OSBPL3: variants seen among roughly 807,000 people sequenced by gnomAD.
The protein encoded by OSBPL3 is oxysterol binding protein like 3.
In OSBPL3, 65 loss-of-function variants were observed where a neutral mutation model predicts 120.1. That is an observed-to-expected ratio of 0.54 (90% CI 0.44 to 0.67). The LOEUF (loss-of-function observed/expected upper bound fraction) is 0.67, where lower values mean the gene tolerates loss of function less well. Among genes scored for constraint, OSBPL3 ranks in the 30% least tolerant of loss-of-function variants. The pLI, the probability that OSBPL3 is intolerant of heterozygous loss-of-function variation, is 0.00. For synonymous variants in OSBPL3, 416 were observed against 402.6 expected, an observed-to-expected ratio of 1.03 and a Z score of -0.40; for missense variants, 1,004 against 1,082.1, an observed-to-expected ratio of 0.93 and a Z score of 1.01.
rs1434306320 is a variant in OSBPL3, at chr7:24,822,677, C to G, written c.1885-2439G>C. ...AATTTGGCATCTTTACAGGTATGGC[C>G]GAATGTAAACACAGTATATAAAAAC... On this transcript the variant is annotated intron_variant, in intron 16 of 22. Transcript: ENST00000313367. The surrounding 1 kb of genome is among the most constrained non-coding windows in gnomAD (Gnocchi z 5.8). Among the ~76,000 whole-genome samples the G allele has an allele frequency of 1.3e-5, 2 of 152,012 alleles. No individual in the cohort carries two copies. The highest frequency in any genetic ancestry group is 6.6e-5 in the Admixed American group (1 of 15,248).
In OSBPL3 at chr7:24,938,123, T is replaced by C. The variant is rs1275988698; in HGVS notation, c.-150+41763A>G. Among the ~76,000 whole-genome samples the C allele has an allele frequency of 6.6e-6, 1 of 152,230 alleles. No individual in the cohort carries two copies. The highest frequency in any genetic ancestry group is 1.5e-5 in the Non-Finnish European group (1 of 68,038). On this transcript the variant is annotated intron_variant, in intron 1 of 22. Transcript: ENST00000313367. This position sits in a 1 kb window ranked among gnomAD's most constrained non-coding sequence, Gnocchi z 5.8. ...AGTTTCTGTCCCGCCAAAACTGGTA[T>C]GTTGAAACCTAATCACCAACCTGAT...
intron 1 of OSBPL3, among the ~76,000 whole-genome samples, chr7:24,957,581 T>C (rs1193317535): frequency 1.3e-5 from 2 of 152,182 alleles, no homozygotes; most frequent in Non-Finnish European, 2.9e-5. Context: ...ATATAGTAAA[T>C]GTAAGTTATT....
chr7:24,918,614 G>A lies in OSBPL3; in HGVS notation c.-149-25993C>T, dbSNP rs572803540. Among the ~76,000 whole-genome samples, 3 of 152,250 alleles carry A rather than the reference G, an allele frequency of 2.0e-5. No individual in the cohort carries two copies. The highest frequency in any genetic ancestry group is 4.8e-5 in the African/African-American group (2 of 41,556). On this transcript the variant is annotated intron_variant, in intron 1 of 22. Coordinates refer to ENST00000313367, the MANE Select transcript of OSBPL3 (RefSeq NM_015550.4). This position sits in a 1 kb window ranked among gnomAD's most constrained non-coding sequence, Gnocchi z 4.3. ...TATTTACCCAAGCAAATAAGAAAAT[G>A]GGATCAACATTTAGTACTCACTTAA...
At chr7:24,828,371 G>A (rs1177917589) in intron 16 of OSBPL3, among the ~76,000 whole-genome samples, 5 of 152,134 alleles carry the variant, frequency 3.3e-5, no homozygotes, top group Non-Finnish European at 7.4e-5. Flanking sequence ...AGCACTTTGG[G>A]AGGCCAAGGC....
Position 24,820,289 on chromosome 7 carries a change from T to A in OSBPL3, c.1885-51A>T. Reference sequence around the variant, plus strand: ...CAAAAAATGAATGAACTTTTGTGTCTCATGAAATCCATTCTTTCTCCCCTG... The same window carrying A: ...CAAAAAATGAATGAACTTTTGTGTCACATGAAATCCATTCTTTCTCCCCTG... On this transcript the variant is annotated intron_variant, in intron 16 of 22. Coordinates refer to ENST00000313367, the MANE Select transcript of OSBPL3 (RefSeq NM_015550.4). The surrounding 1 kb of genome is among the most constrained non-coding windows in gnomAD (Gnocchi z 4.6). 1 of 1,365,242 alleles carries A rather than the reference T, an allele frequency of 7.3e-7. No individual in the cohort carries two copies. The allele number at this position is 1,365,242 out of a possible 1,614,324, so 84.6% of individuals were successfully genotyped here. A position where few individuals can be genotyped will look rare whatever the true frequency, so the allele number is the denominator to read the frequency against.
intron 11 of OSBPL3, among the ~76,000 whole-genome samples, chr7:24,850,037 T>C (rs1216703639): frequency 6.6e-6 from 1 of 152,202 alleles, no homozygotes; most frequent in Non-Finnish European, 1.5e-5. Context: ...AATATGGGTA[T>C]TGATTGTTCT....
Position 24,854,539 on chromosome 7 carries a change from A to ACACAC in OSBPL3, c.1028-1906_1028-1905insGTGTG, listed in dbSNP as rs1562831439. On this transcript the variant is annotated intron_variant, in intron 10 of 22. Transcript: ENST00000313367. This position sits in a 1 kb window ranked among gnomAD's most constrained non-coding sequence, Gnocchi z 4.1. ...ACACACACACACACACACACACACA[A>ACACAC]ACACACACAATGGTGCTGCCTCTGC... Among the ~76,000 whole-genome samples, 6 of 131,804 alleles carry ACACAC rather than the reference A, an allele frequency of 4.6e-5. No homozygotes were observed. In the East Asian group the frequency reaches 8.9e-4, roughly 20 times the overall value. 86.5% of individuals were successfully genotyped at this position (131,804 alleles called of 152,430 possible).
Position 24,867,049 on chromosome 7 carries a change from C to T in OSBPL3, c.382-812G>A, listed in dbSNP as rs1463207887. Among the ~76,000 whole-genome samples the T allele has an allele frequency of 6.6e-6, 1 of 152,228 alleles. No individual in the cohort carries two copies. The highest frequency in any genetic ancestry group is 6.5e-5 in the Admixed American group (1 of 15,292). On this transcript the variant is annotated intron_variant, in intron 5 of 22. Coordinates refer to ENST00000313367, the MANE Select transcript of OSBPL3 (RefSeq NM_015550.4). The surrounding 1 kb of genome is among the most constrained non-coding windows in gnomAD (Gnocchi z 4.5). ...ACTCCTGACCTGGTGATCTGCCCGC[C>T]TCGGCCTCCCAAAGTGCTGGGATTA...
Position 24,980,137 on chromosome 7 carries a change from C to G in OSBPL3, c.-401G>C. On this transcript the variant is annotated 5_prime_UTR_variant, in exon 1 of 23. Transcript: ENST00000313367. The stretch of plus-strand genomic sequence containing the variant: ...CTCCCGGGCCGGCTGGCGGGCGCCA[C>G]CAGCACGCGGCCAGTTCTGAGTACT... The G allele has an allele frequency of 1.3e-6, 1 of 747,468 alleles. No individual in the cohort carries two copies. Among genetic ancestry groups the G allele is most frequent in the Non-Finnish European group, 1.6e-6 (1 of 612,496 alleles). The allele number at this position is 747,468 out of a possible 1,614,324, so 46.3% of individuals were successfully genotyped here.
At chr7:24,828,946 A>G (rs75019247) in intron 16 of OSBPL3, among the ~76,000 whole-genome samples, 16,530 of 152,178 alleles carry the variant, frequency 0.11, 1,192 homozygotes, top group Non-Finnish European at 0.17. Context: ...CTAAATGCTG[A>G]GTTATGTAAC....
chr7:24,975,455 A>G (rs1817476797), intron 1 of OSBPL3, among the ~76,000 whole-genome samples: 1 of 152,272 alleles, frequency 6.6e-6, no homozygotes, highest in Non-Finnish European at 1.5e-5. Flanking sequence ...TCAGAAAACT[A>G]GAAAACAAAA....
Position 24,884,424 on chromosome 7 carries a change from G to C in OSBPL3, c.96+7953C>G, listed in dbSNP as rs1183251899. Among the ~76,000 whole-genome samples, 12 of 152,272 alleles carry C rather than the reference G, an allele frequency of 7.9e-5. No individual in the cohort carries two copies. The East Asian group carries it at 2.3e-3, about 29-fold the overall frequency. ...CTGAGTTGTGCTGAGACTCCAAAGG[G>C]TAGCATGAAAGGATATTATGAGCTG... is the stretch of plus-strand genomic sequence containing the variant. On this transcript the variant is annotated intron_variant, in intron 2 of 22. Transcript: ENST00000313367.
At chr7:24,868,014 G>T (rs941738971) in intron 5 of OSBPL3, among the ~76,000 whole-genome samples, 1 of 152,100 alleles carries the variant, frequency 6.6e-6, no homozygotes, top group African/African-American at 2.4e-5. Context: ...ATATACCATA[G>T]ATATTTCTTA....
At chr7:24,878,638 T>C (rs969364863) in intron 2 of OSBPL3, among the ~76,000 whole-genome samples, 8 of 152,200 alleles carry the variant, frequency 5.3e-5, no homozygotes, top group African/African-American at 1.9e-4. Flanking sequence ...ACTGGAGTTG[T>C]TGTTTCTTGT....
intron 1 of OSBPL3, among the ~76,000 whole-genome samples, chr7:24,907,715 C>T (rs1808154873): frequency 6.6e-6 from 1 of 152,202 alleles, no homozygotes; most frequent in Non-Finnish European, 1.5e-5. Flanking sequence ...CTCAACCCCT[C>T]TCCCACCCCA....
At chr7:24,832,354 A>T (rs954681791) in intron 15 of OSBPL3, among the ~76,000 whole-genome samples, 3 of 151,468 alleles carry the variant, frequency 2.0e-5, no homozygotes, top group Non-Finnish European at 4.4e-5. Context: ...TACTAAAAAT[A>T]CAAAAATTAG....
Position 24,965,923 on chromosome 7 carries a change from G to C in OSBPL3, c.-150+13963C>G, listed in dbSNP as rs1222887314. The stretch of plus-strand genomic sequence containing the variant: ...AGGTTTAGAACCACTTCCCTCAAGG[G>C]TGTGTCCCATTCATGTGGCCCCACC... On this transcript the variant is annotated intron_variant, in intron 1 of 22. Transcript: ENST00000313367. The surrounding 1 kb of genome is among the most constrained non-coding windows in gnomAD (Gnocchi z 4.3). Among the ~76,000 whole-genome samples, 1 of 152,146 alleles carries C rather than the reference G, an allele frequency of 6.6e-6. No homozygotes were observed. The highest frequency in any genetic ancestry group is 1.9e-4 in the East Asian group (1 of 5,190).
intron 2 of OSBPL3, among the ~76,000 whole-genome samples, chr7:24,880,334 A>G (rs1803490194): frequency 6.6e-6 from 1 of 152,162 alleles, no homozygotes; most frequent in Non-Finnish European, 1.5e-5. Context: ...ACTGTGGATA[A>G]GATCACCTAG....
Position 24,818,838 on chromosome 7 carries a change from A to C in OSBPL3, c.1948+1337T>G, listed in dbSNP as rs533305455. Among the ~76,000 whole-genome samples, 15 of 152,296 alleles carry C rather than the reference A, an allele frequency of 9.8e-5. No homozygotes were observed. The highest frequency in any genetic ancestry group is 2.1e-4 in the South Asian group (1 of 4,822). On this transcript the variant is annotated intron_variant, in intron 17 of 22. Transcript: ENST00000313367. The surrounding 1 kb of genome is among the most constrained non-coding windows in gnomAD (Gnocchi z 4.0). The stretch of plus-strand genomic sequence containing the variant: ...ATCCTAGGCCCATGGAAATAGGTAG[A>C]TTGCTCAGGAAAAGGCTGATGGGGA...
Sources: allele counts gnomAD v4.1 joint callset (sites outside exome capture counted in the v4.1 genomes callset), GRCh38; gene constraint gnomAD v4.1.1; non-coding constraint Gnocchi (gnomAD v3.1); transcripts MANE v1.5; gene names NCBI Gene and HGNC (gene_info 2026-07-23, HGNC 2026-07-21).